SLIT2: variants seen among roughly 807,000 people sequenced by gnomAD.
SLIT2 encodes the protein slit guidance ligand 2.
SLIT2 carries 41 observed loss-of-function variants against 185.7 expected under a neutral mutation model. That is an observed-to-expected ratio of 0.22 (90% CI 0.17 to 0.29). The LOEUF is 0.29. Among genes scored for constraint, SLIT2 ranks in the 10% least tolerant of loss-of-function variants. The pLI is 1.00. For synonymous variants in SLIT2, 693 were observed against 680.2 expected (o/e 1.02, Z -0.29); for missense variants, 1,571 against 1,909.0 (o/e 0.82, Z 3.30).
chr4:20,493,916 C>T (rs1718004937), intron 9 of SLIT2, among the ~76,000 whole-genome samples: 1 of 152,096 alleles, frequency 6.6e-6, no homozygotes, highest in African/African-American at 2.4e-5. Flanking sequence ...ATGAGCTAGG[C>T]AGTAGGAATG....
At chr4:20,345,407 T>A (rs1721301772) in intron 4 of SLIT2, among the ~76,000 whole-genome samples, 1 of 152,212 alleles carries the variant, frequency 6.6e-6, no homozygotes, top group Admixed American at 6.5e-5. Context: ...AGCATCCTAT[T>A]GCACACTTTT....
chr4:20,271,972 G>T (rs914286376), intron 4 of SLIT2, among the ~76,000 whole-genome samples: 1 of 152,052 alleles, frequency 6.6e-6, no homozygotes, highest in African/African-American at 2.4e-5. Flanking sequence ...GCTGCTAGCG[G>T]CCAAATATGC....
At chr4:20,588,883 A>G (rs967907955) in intron 29 of SLIT2, among the ~76,000 whole-genome samples, 2 of 152,144 alleles carry the variant, frequency 1.3e-5, no homozygotes, top group African/African-American at 4.8e-5. Context: ...GAAAAAATAT[A>G]TGTTCCCTGT....
At chr4:20,394,810 T>G (rs1725742736) in intron 4 of SLIT2, 1 of 152,138 alleles carries the variant, frequency 6.6e-6, no homozygotes. Context: ...CATTCTATCA[T>G]TTATCCATAG....
intron 9 of SLIT2, among the ~76,000 whole-genome samples, chr4:20,493,348 G>A (rs746333715): frequency 5.3e-5 from 8 of 152,058 alleles, no homozygotes; most frequent in Admixed American, 2.6e-4. Context: ...AGAGTAGAAC[G>A]AAATACTAAA....
At chr4:20,561,710 G>A (rs936547082) in intron 26 of SLIT2, among the ~76,000 whole-genome samples, 8 of 151,646 alleles carry the variant, frequency 5.3e-5, no homozygotes, top group Non-Finnish European at 8.8e-5. Flanking sequence ...TTGTATCTTG[G>A]AAATTACCTT....
intron 4 of SLIT2, among the ~76,000 whole-genome samples, chr4:20,363,236 A>G (rs1316704003): frequency 1.3e-5 from 2 of 152,170 alleles, no homozygotes; most frequent in East Asian, 3.8e-4. Flanking sequence ...TTAATTTGAA[A>G]CACGTGTGTG....
intron 8 of SLIT2, chr4:20,490,863 A>G (rs1316942271): frequency 4.9e-6 from 7 of 1,420,968 alleles, no homozygotes; most frequent in Non-Finnish European, 6.7e-6. Context: ...GTAGTTTAAG[A>G]GCTTGTTTAG....
In SLIT2 at chr4:20,596,401, TCC is replaced by T. The variant is rs1307448668; in HGVS notation, c.3321-13_3321-12del. The T allele has an allele frequency of 6.2e-7, 1 of 1,604,250 alleles. No homozygotes were observed. The highest frequency in any genetic ancestry group is 1.1e-5 in the South Asian group (1 of 88,348). ...AATCGTATTAACTAATTTTTTTTTC[TCC>T]TTATTCTTCAGTGGCTTGTTCTGTG... On this transcript the variant is annotated splice_polypyrimidine_tract_variant and intron_variant, in intron 31 of 36. Coordinates refer to ENST00000504154, the MANE Select transcript of SLIT2 (RefSeq NM_004787.4).
At chr4:20,451,324 G>A (rs963888493) in intron 4 of SLIT2, among the ~76,000 whole-genome samples, 1 of 152,152 alleles carries the variant, frequency 6.6e-6, no homozygotes, top group Non-Finnish European at 1.5e-5. Flanking sequence ...GACTTCTTTG[G>A]AGTTAATCGA....
chr4:20,278,877 G>A (rs1027337709), intron 4 of SLIT2, among the ~76,000 whole-genome samples: 2 of 152,002 alleles, frequency 1.3e-5, no homozygotes, highest in African/African-American at 2.4e-5. Flanking sequence ...CTTAAGAAAC[G>A]TACAGAAGAA....
chr4:20,288,340 G>A (rs1487293726), intron 4 of SLIT2, among the ~76,000 whole-genome samples: 2 of 152,180 alleles, frequency 1.3e-5, no homozygotes, highest in African/African-American at 2.4e-5. Flanking sequence ...AAGATCGAAT[G>A]AGTCTGTGAG....
chr4:20,504,703 T>A (rs541726870), intron 9 of SLIT2, among the ~76,000 whole-genome samples: 1 of 152,194 alleles, frequency 6.6e-6, no homozygotes, highest in Non-Finnish European at 1.5e-5. Context: ...GTGTGAGATT[T>A]ATATATACAC....
At chr4:20,494,900 C>CA (rs1718092596) in intron 9 of SLIT2, among the ~76,000 whole-genome samples, 1 of 151,786 alleles carries the variant, frequency 6.6e-6, no homozygotes, top group Non-Finnish European at 1.5e-5. Flanking sequence ...TATTTGAAAC[C>CA]ATCAACTGTC....
intron 18 of SLIT2, among the ~76,000 whole-genome samples, chr4:20,537,118 CT>C (rs1160962443): frequency 6.6e-6 from 1 of 152,142 alleles, no homozygotes; most frequent in African/African-American, 2.4e-5. Flanking sequence ...TAGAAGTACA[CT>C]CTAAAATAAC....
chr4:20,561,491 C>T (rs1036849336), intron 26 of SLIT2, among the ~76,000 whole-genome samples: 2 of 151,554 alleles, frequency 1.3e-5, no homozygotes, highest in Non-Finnish European at 2.9e-5. Flanking sequence ...TGTCGTTAGT[C>T]GTTGAATTAA....
In SLIT2 at chr4:20,569,009, A is replaced by G. The variant is rs776514333; in HGVS notation, c.3088+5A>G. On this transcript the variant is annotated splice_donor_5th_base_variant and intron_variant, in intron 29 of 36. Coordinates refer to ENST00000504154, the MANE Select transcript of SLIT2 (RefSeq NM_004787.4). ...TTTGCCCACCTGAGTATACAGGTAC[A>G]AATAATAGGAAATATTTTGCCTTCC... 6.2e-7 allele frequency: 1 copy of G among 1,609,810 alleles called. No individual in the cohort carries two copies. The highest frequency in any genetic ancestry group is 8.5e-7 in the Non-Finnish European group (1 of 1,176,954).
rs1422656295 is a variant in SLIT2 at position 20,375,066 on chromosome 4, T to C, written c.396-92686T>C. 2.6e-5 allele frequency among the ~76,000 whole-genome samples: 4 copies of C among 152,210 alleles called. No individual in the cohort carries two copies. In the South Asian group the frequency reaches 8.3e-4, roughly 32 times the overall value. ...TGAAGAAACATTAATTAATTTTACA[T>C]GACGTGTGTATGTGTATAAGTGGAT... On this transcript the variant is annotated intron_variant, in intron 4 of 36. Transcript: ENST00000504154.
intron 5 of SLIT2, among the ~76,000 whole-genome samples, chr4:20,472,434 A>T (rs1395114526): frequency 1.3e-5 from 1 of 76,860 alleles, no homozygotes; most frequent in African/African-American, 5.7e-5. Context: ...ATAGATATCT[A>T]TAGATATATA....
Sources: allele counts gnomAD v4.1 joint callset (sites outside exome capture counted in the v4.1 genomes callset), GRCh38; gene constraint gnomAD v4.1.1; transcripts MANE v1.5; gene names NCBI Gene and HGNC (gene_info 2026-07-23, HGNC 2026-07-21).